Variants in IQCB1 observed in about 807,000 individuals in gnomAD.
IQCB1 encodes IQ calmodulin-binding motif-containing protein 1.
In IQCB1, 56 loss-of-function variants were observed where a neutral mutation model predicts 84.4. The observed-to-expected ratio is 0.66, with a 90% CI of 0.54 to 0.83. The LOEUF is 0.83. IQCB1 is among the 40% of genes least tolerant of loss of function. The pLI is 0.00. For synonymous variants in IQCB1, 210 were observed against 234.8 expected, an observed-to-expected ratio of 0.89 and a Z score of 0.96; for missense variants, 629 against 682.1, an observed-to-expected ratio of 0.92 and a Z score of 0.87.
chr3:121,789,044 G>A (rs1398202866), intron 11 of IQCB1, among the ~76,000 whole-genome samples: 2 of 152,162 alleles, frequency 1.3e-5, no homozygotes, highest in East Asian at 3.8e-4. Context: ...ATGGGAAACT[G>A]AGTAAGTTGT....
intron 4 of IQCB1, 68 bp downstream of exon 4, chr3:121,828,402 G>T: frequency 1.4e-6 from 2 of 1,384,014 alleles, no homozygotes; most frequent in Admixed American, 1.7e-5. Flanking sequence ...TAAATAAAAA[G>T]CAAATGTTGA....
At chr3:121,772,338 T>C (rs907588494) in intron 14 of IQCB1, among the ~76,000 whole-genome samples, 1 of 152,160 alleles carries the variant, frequency 6.6e-6, no homozygotes, top group African/African-American at 2.4e-5. Context: ...GGGTGACACA[T>C]ATGAATGATG....
At chr3:121,808,878 A>T in intron 6 of IQCB1, 38 bp downstream of exon 6, 1 of 1,232,502 alleles carries the variant, frequency 8.1e-7, no homozygotes, top group Non-Finnish European at 1.2e-6. Context: ...AGTTGACTCT[A>T]CAATAGCTAT....
At chr3:121,828,807 G>A (rs138528442) in intron 3 of IQCB1, 54 bp downstream of exon 3, 11 of 1,174,014 alleles carry the variant, frequency 9.4e-6, no homozygotes, top group Admixed American at 1.7e-5. Context: ...TTGTACCAAC[G>A]ATGGAACCAT....
chr3:121,799,289 C>A lies in IQCB1; in HGVS notation c.673G>T (p.Val225Phe). Reference protein sequence around the residue: ...IFKLFSTPSPVIRSTATKLLL... With the variant: ...IFKLFSTPSPFIRSTATKLLL... ...AGTTTTGTAGCAGTACTTCTTATAACTGGACTAGGAGTTGAAAAAAGCTTG... is the reference window on the plus strand; with the variant it reads ...AGTTTTGTAGCAGTACTTCTTATAAATGGACTAGGAGTTGAAAAAAGCTTG... The change falls in exon 8 of 15, where the codon GTT (valine) becomes TTT (phenylalanine). Residue 225 changes from valine (V) to phenylalanine (F), a missense_variant. Val to Phe is a conservative substitution (Grantham distance 50). Transcript: ENST00000310864. 1.2e-6 allele frequency: 2 copies of A among 1,608,002 alleles called. No individual in the cohort carries two copies. The highest frequency in any genetic ancestry group is 1.7e-5 in the Admixed American group (1 of 59,644).
chr3:121,777,942 C>G (rs564349438), intron 13 of IQCB1, among the ~76,000 whole-genome samples: 1 of 149,466 alleles, frequency 6.7e-6, no homozygotes, highest in South Asian at 2.1e-4. Flanking sequence ...GGGTCTCACT[C>G]GGCCACACAG....
intron 13 of IQCB1, among the ~76,000 whole-genome samples, chr3:121,776,484 C>A (rs896826860): frequency 2.6e-5 from 4 of 152,168 alleles, no homozygotes; most frequent in African/African-American, 9.7e-5. Flanking sequence ...GTGACTCTGC[C>A]ACATGCTTGC....
At chr3:121,829,110 T>C in intron 2 of IQCB1, 138 bp from the exon 3 acceptor site, 1 of 646,414 alleles carries the variant, frequency 1.5e-6, no homozygotes, top group Non-Finnish European at 2.8e-6. Flanking sequence ...TGTAGATTTT[T>C]TCATTTCTTC....
At chr3:121,772,752 C>T (rs753415900) in intron 13 of IQCB1, 39 bp from the exon 14 acceptor site, 2 of 1,608,640 alleles carry the variant, frequency 1.2e-6, no homozygotes. Flanking sequence ...ACAGAGAGGA[C>T]ATAGGTATCA....
chr3:121,820,988 CTTTTT>C (rs748318953), intron 5 of IQCB1, among the ~76,000 whole-genome samples: 4 of 143,766 alleles, frequency 2.8e-5, no homozygotes, highest in Non-Finnish European at 6.1e-5. Flanking sequence ...CCTTTTTTTT[CTTTTT>C]TTCTTTTTTT....
intron 13 of IQCB1, among the ~76,000 whole-genome samples, chr3:121,781,265 T>C (rs1559755019): frequency 6.6e-6 from 1 of 152,114 alleles, no homozygotes. Flanking sequence ...GTCAAAGATA[T>C]GGACATTTCT....
chr3:121,808,958 G>C lies in IQCB1; in HGVS notation c.445C>G (p.Leu149Val), dbSNP rs1001594561. ...LHFFQIVTDS[L>V]FWLLGGHVEL... ...ACATGGCCTCCCAAAAGCCAGAAGA[G>C]AGAATCAGTCACAATTTGGAAAAAG... The change falls in exon 6 of 15, where the codon CTC (leucine) becomes GTC (valine). Residue 149 changes from leucine to valine, a missense_variant. Leu to Val is a conservative substitution (Grantham distance 32). Transcript: ENST00000310864. 2 of 1,611,116 alleles carry C rather than the reference G, an allele frequency of 1.2e-6. No individual in the cohort carries two copies. The highest frequency in any genetic ancestry group is 2.2e-5 in the South Asian group (2 of 90,988).
At chr3:121,833,465 A>C (rs913064129) in intron 2 of IQCB1, among the ~76,000 whole-genome samples, 1 of 152,220 alleles carries the variant, frequency 6.6e-6, no homozygotes, top group African/African-American at 2.4e-5. Flanking sequence ...GGCTCAAAAC[A>C]GTTTGTGCCC....
intron 2 of IQCB1, among the ~76,000 whole-genome samples, 166 bp from the exon 3 acceptor site, chr3:121,829,138 T>G (rs1950551035): frequency 6.6e-6 from 1 of 152,192 alleles, no homozygotes; most frequent in Admixed American, 6.5e-5. Flanking sequence ...AAAACTGGTT[T>G]TTCTAACCAG....
intron 7 of IQCB1, among the ~76,000 whole-genome samples, chr3:121,805,284 C>A (rs1300372871): frequency 6.6e-6 from 1 of 151,896 alleles, no homozygotes; most frequent in East Asian, 1.9e-4. Flanking sequence ...ATCAGTACTG[C>A]AAGATACATG....
chr3:121,786,775 T>C (rs1483267801), intron 12 of IQCB1, among the ~76,000 whole-genome samples: 2 of 152,148 alleles, frequency 1.3e-5, no homozygotes, highest in Non-Finnish European at 2.9e-5. Flanking sequence ...CCTACTTTTT[T>C]CTCTAAGAAA....
chr3:121,825,978 C>A (rs1307260801), intron 5 of IQCB1, 73 bp downstream of exon 5: 2 of 1,349,790 alleles, frequency 1.5e-6, no homozygotes, highest in Non-Finnish European at 2.1e-6. Context: ...AAATATTGCA[C>A]ATTTAAAAAA....
intron 7 of IQCB1, among the ~76,000 whole-genome samples, chr3:121,806,197 C>T (rs1291612843): frequency 1.3e-5 from 2 of 152,046 alleles, no homozygotes; most frequent in South Asian, 2.1e-4. Context: ...TATTTTAAAA[C>T]CTCCATATCC....
rs555646314 is a variant in IQCB1, at chr3:121,783,713, T to G, written c.1279-1839A>C. Among the ~76,000 whole-genome samples, 5 of 152,286 alleles carry G rather than the reference T, an allele frequency of 3.3e-5. No homozygotes were observed. In the South Asian group the frequency reaches 6.2e-4, roughly 19 times the overall value. On this transcript the variant is annotated intron_variant, in intron 12 of 14. Coordinates refer to ENST00000310864, the MANE Select transcript of IQCB1 (RefSeq NM_001023570.4). ...TTTGGATTGACTGCTCTCTATACCT[T>G]GGGCATAGCTGTCATCCTGTGGTCT...
Sources: gnomAD v4.1 joint callset for allele counts (sites outside exome capture counted in the v4.1 genomes callset) on GRCh38, gnomAD v4.1.1 for gene constraint, MANE v1.5 for transcripts, NCBI Gene and HGNC (gene_info 2026-07-23, HGNC 2026-07-21) for gene names.